GBP3: variants seen among roughly 807,000 people sequenced by gnomAD.
The protein encoded by GBP3 is guanylate-binding protein 3.
In GBP3, 55 loss-of-function variants were observed where a neutral mutation model predicts 62.4. The observed-to-expected ratio is 0.88, with a 90% CI of 0.71 to 1.10. The LOEUF (loss-of-function observed/expected upper bound fraction) is 1.10, where lower values mean the gene tolerates loss of function less well. Ranked by LOEUF, GBP3 falls within the 50% of genes least tolerant of loss-of-function variation. GBP3 has a pLI of 0.00. For synonymous variants in GBP3, 208 were observed against 259.2 expected (o/e 0.80, Z 1.90); for missense variants, 605 against 690.6 (o/e 0.88, Z 1.39).
chr1:89,013,707 C>T, intron 5 of GBP3: 1 of 429,486 alleles, frequency 2.3e-6, no homozygotes, highest in Non-Finnish European at 4.1e-6. Context: ...CATGTTCAAT[C>T]TATGTTCTTT....
intron 2 of GBP3, among the ~76,000 whole-genome samples, chr1:89,019,713 A>G (rs1364031733): frequency 3.3e-5 from 5 of 152,246 alleles, no homozygotes; most frequent in Non-Finnish European, 2.9e-5. Flanking sequence ...TAGTCAAATT[A>G]ATAGAGATGG....
intron 3 of GBP3, 128 bp downstream of exon 3, chr1:89,015,159 G>T: frequency 1.1e-6 from 1 of 942,560 alleles, no homozygotes; most frequent in South Asian, 1.9e-5. Flanking sequence ...TTGGCCTTAT[G>T]ACATGTACAC....
chr1:89,016,664 T>C (rs1424640638), intron 2 of GBP3, among the ~76,000 whole-genome samples: 1 of 152,080 alleles, frequency 6.6e-6, no homozygotes, highest in African/African-American at 2.4e-5. Context: ...AGTCTTGACC[T>C]CCCAGGCTCA....
At position 89,020,861 on chromosome 1, in the gene GBP3, G is replaced by A. The variant is rs141313744; in HGVS notation, c.-22-118C>T. 469 of 733,616 alleles carry A rather than the reference G, an allele frequency of 6.4e-4. 3 individuals carry two copies. In the Admixed American group the frequency reaches 0.013, roughly 20 times the overall value. 45.4% of individuals were successfully genotyped at this position (733,616 alleles called of 1,614,324 possible). Reference sequence around the variant, plus strand: ...GTGTGTGTCAGTGAGAGAGATGAGGGAAAATGTGTATCATTTTAAAAAATT... The same window carrying A: ...GTGTGTGTCAGTGAGAGAGATGAGGAAAAATGTGTATCATTTTAAAAAATT... On this transcript the variant is annotated intron_variant, in intron 1 of 10. Transcript: ENST00000370481.
chr1:89,011,689 C>T (rs1678575211), intron 7 of GBP3, 58 bp downstream of exon 7: 1 of 1,432,390 alleles, frequency 7.0e-7, no homozygotes, highest in South Asian at 1.2e-5. Context: ...AATTTCATTT[C>T]TTAGTAGTAC....
At chr1:89,017,469 T>A (rs1299801342) in intron 2 of GBP3, among the ~76,000 whole-genome samples, 1 of 152,156 alleles carries the variant, frequency 6.6e-6, no homozygotes, top group Admixed American at 6.6e-5. Context: ...ACAGATAACT[T>A]TGACTTCATC....
chr1:89,014,916 A>C (rs948535056), intron 3 of GBP3, among the ~76,000 whole-genome samples: 1 of 152,212 alleles, frequency 6.6e-6, no homozygotes, highest in Non-Finnish European at 1.5e-5. Flanking sequence ...TAAACATTCA[A>C]GGTTAATGGG....
In GBP3 at chr1:89,022,812, A is replaced by G. The variant is rs543592487; in HGVS notation, c.-151T>C. 1 of 152,320 alleles carries G rather than the reference A, an allele frequency of 6.6e-6. No individual in the cohort carries two copies. Among genetic ancestry groups the G allele is most frequent in the Non-Finnish European group, 1.5e-5 (1 of 68,028 alleles). 9.4% of individuals were successfully genotyped at this position (152,320 alleles called of 1,614,324 possible). A position where few individuals can be genotyped will look rare whatever the true frequency, so the allele number is the denominator to read the frequency against. On this transcript the variant is annotated 5_prime_UTR_variant, in exon 1 of 11. Transcript: ENST00000370481. ...TCTGGATTTTCCTCAGTGATCAAAT[A>G]ATTAGAAGTTAAGCAACCTTTGTAA...
chr1:89,018,383 T>C (rs923633568), intron 2 of GBP3, among the ~76,000 whole-genome samples: 6 of 152,134 alleles, frequency 3.9e-5, no homozygotes, highest in Admixed American at 6.5e-5. Flanking sequence ...CACCTGTCCA[T>C]GTGGATAAGA....
At position 89,009,495 on chromosome 1, in the gene GBP3, C is replaced by G. The variant is rs140187029; in HGVS notation, c.1363-1G>C. 5.5e-4 allele frequency: 884 copies of G among 1,613,962 alleles called. 7 individuals carry two copies. In the African/African-American group the frequency reaches 0.01, roughly 19 times the overall value. Reference sequence around the variant, plus strand: ...AGTATGTCTGCAGAATCTCTTCAGCCTTAGGACCCAGAGAACACAGAGTGA... The same window carrying G: ...AGTATGTCTGCAGAATCTCTTCAGCGTTAGGACCCAGAGAACACAGAGTGA... On this transcript the variant is annotated splice_acceptor_variant, in intron 8 of 10. Transcript: ENST00000370481. LOFTEE classifies it high-confidence loss of function.
chr1:89,010,821 GT>G lies in GBP3; in HGVS notation c.1362+82del, dbSNP rs1312196936. 14 of 1,426,548 alleles carry G rather than the reference GT, an allele frequency of 9.8e-6. 4 individuals are homozygous for G. Among genetic ancestry groups the G allele is most frequent in the Non-Finnish European group, 1.4e-5 (14 of 1,023,310 alleles). 88.4% of individuals were successfully genotyped at this position (1,426,548 alleles called of 1,614,324 possible). A position where few individuals can be genotyped will look rare whatever the true frequency, so the allele number is the denominator to read the frequency against. On this transcript the variant is annotated intron_variant, in intron 8 of 10. Coordinates refer to ENST00000370481, the MANE Select transcript of GBP3 (RefSeq NM_018284.3). ...GTTATACAGACAAAAAAGCACATCTGTGTGCAGTGAAGCTTGGTCACTTTGG... is the reference window on the plus strand; with the variant it reads ...GTTATACAGACAAAAAAGCACATCTGGTGCAGTGAAGCTTGGTCACTTTGG...
chr1:89,016,124 T>C (rs527574610), intron 2 of GBP3, among the ~76,000 whole-genome samples: 1 of 152,310 alleles, frequency 6.6e-6, no homozygotes, highest in African/African-American at 2.4e-5. Context: ...CAGAAATCTG[T>C]TGCATTTGTA....
intron 2 of GBP3, among the ~76,000 whole-genome samples, chr1:89,019,026 T>C (rs1331415942): frequency 6.6e-6 from 1 of 152,254 alleles, no homozygotes; most frequent in Non-Finnish European, 1.5e-5. Flanking sequence ...GAATGCTAAA[T>C]GGTGCAGTCA....
Position 89,015,283 on chromosome 1 carries a change from T to C in GBP3, c.318+4A>G. ...TATTTCAAAATTGAATCTTTGACCC[T>C]TACCTTCTTTACATCTCCCAGGCCC... On this transcript the variant is annotated splice_donor_region_variant and intron_variant, in intron 3 of 10. Coordinates refer to ENST00000370481, the MANE Select transcript of GBP3 (RefSeq NM_018284.3). 1 of 1,600,064 alleles carries C rather than the reference T, an allele frequency of 6.2e-7. No individual in the cohort carries two copies. Among genetic ancestry groups the C allele is most frequent in the Non-Finnish European group, 8.5e-7 (1 of 1,175,312 alleles).
intron 1 of GBP3, among the ~76,000 whole-genome samples, chr1:89,021,494 A>G (rs1176585357): frequency 1.6e-5 from 2 of 121,598 alleles, no homozygotes; most frequent in East Asian, 2.5e-4. Flanking sequence ...GCTAAGAAAC[A>G]CGCATGCGCG....
intron 6 of GBP3, 110 bp downstream of exon 6, chr1:89,013,075 T>C: frequency 1.7e-6 from 2 of 1,211,358 alleles, no homozygotes; most frequent in South Asian, 3.0e-5. Context: ...TGGCCTCAAG[T>C]GATCTGCCCT....
chr1:89,013,456 T>C (rs1180106751), intron 5 of GBP3, 29 bp from the exon 6 acceptor site: 3 of 1,590,750 alleles, frequency 1.9e-6, no homozygotes, highest in Middle Eastern at 1.7e-4. Flanking sequence ...GAAATTTGCC[T>C]AATATAAGTG....
intron 1 of GBP3, among the ~76,000 whole-genome samples, chr1:89,021,616 G>A: frequency 6.6e-6 from 1 of 151,488 alleles, no homozygotes; most frequent in East Asian, 1.9e-4. Flanking sequence ...TGAAAGACCA[G>A]GAAGCACATA....
chr1:89,007,878 A>T (rs1160494281), intron 10 of GBP3, 26 bp from the exon 11 acceptor site: 1 of 1,604,712 alleles, frequency 6.2e-7, no homozygotes, highest in Admixed American at 1.7e-5. Flanking sequence ...TGGAGGCTAA[A>T]TAAGTGTAGC....
Sources: allele counts gnomAD v4.1 joint callset (sites outside exome capture counted in the v4.1 genomes callset), GRCh38; gene constraint gnomAD v4.1.1; transcripts MANE v1.5; gene names NCBI Gene and HGNC (gene_info 2026-07-23, HGNC 2026-07-21).